Variants in FAM78B observed in about 807,000 individuals in gnomAD.
FAM78B encodes family with sequence similarity 78 member B.
A neutral mutation model predicts 20.0 loss-of-function variants in FAM78B; 10 were observed. The ratio of observed to expected loss-of-function variants is 0.50; its 90% CI spans 0.31 to 0.85. FAM78B has a LOEUF of 0.85. Among genes scored for constraint, FAM78B ranks in the 40% least tolerant of loss-of-function variants. FAM78B has a pLI of 0.05. For missense variants in FAM78B, 283 were observed against 345.0 expected, an observed-to-expected ratio of 0.82 and a Z score of 1.42; for synonymous variants, 135 against 132.8, an observed-to-expected ratio of 1.02 and a Z score of -0.12.
In FAM78B at chr1:166,105,875, T is replaced by C. The variant is rs1653756080; in HGVS notation, c.264-35112A>G. ...TACTGGGTATATACCCAAAGGATTA[T>C]AAATCATGCTGCTATAAAGACACAT... On this transcript the variant is annotated intron_variant, in intron 1 of 1. Transcript: ENST00000354422. Among the ~76,000 whole-genome samples the C allele has an allele frequency of 3.3e-5, 5 of 151,906 alleles. No individual in the cohort carries two copies. In the South Asian group the frequency reaches 1.1e-3, roughly 32 times the overall value.
intron 1 of FAM78B, among the ~76,000 whole-genome samples, chr1:166,117,696 T>C (rs2101765127): frequency 6.6e-6 from 1 of 152,370 alleles, no homozygotes; most frequent in East Asian, 1.9e-4. Flanking sequence ...GAGGTCTCAC[T>C]GGTCTGAAAG....
At chr1:166,107,297 A>G (rs935374471) in intron 1 of FAM78B, among the ~76,000 whole-genome samples, 5 of 152,322 alleles carry the variant, frequency 3.3e-5, no homozygotes, top group Middle Eastern at 6.8e-3. Flanking sequence ...AAATAACCTC[A>G]CTAAGAAACA....
At chr1:166,161,737 C>T (rs1237170465) in intron 1 of FAM78B, among the ~76,000 whole-genome samples, 3 of 152,120 alleles carry the variant, frequency 2.0e-5, no homozygotes, top group Non-Finnish European at 2.9e-5. Context: ...CAGATGGTTT[C>T]GCTTGAGCAA....
chr1:166,102,950 A>G (rs1653590686), intron 1 of FAM78B, among the ~76,000 whole-genome samples: 1 of 152,332 alleles, frequency 6.6e-6, no homozygotes. Flanking sequence ...TTGACCACAT[A>G]GTTGGAAGTA....
chr1:166,080,735 C>A (rs986367413), intron 1 of FAM78B, among the ~76,000 whole-genome samples: 5 of 152,238 alleles, frequency 3.3e-5, no homozygotes, highest in African/African-American at 7.2e-5. Flanking sequence ...CAATGTGCTC[C>A]CAGTCACGTG....
At chr1:166,145,134 C>A (rs1571202592) in intron 1 of FAM78B, among the ~76,000 whole-genome samples, 1 of 152,136 alleles carries the variant, frequency 6.6e-6, no homozygotes, top group African/African-American at 2.4e-5. Context: ...AAAGATTGTA[C>A]CAACTGGTTG....
At chr1:166,073,631 A>G (rs981893946) in intron 1 of FAM78B, among the ~76,000 whole-genome samples, 13 of 151,608 alleles carry the variant, frequency 8.6e-5, no homozygotes, top group African/African-American at 3.2e-4. Flanking sequence ...GTTTTTCGAG[A>G]AGTCTCTGAA....
At chr1:166,085,062 T>C (rs1400704501) in intron 1 of FAM78B, among the ~76,000 whole-genome samples, 3 of 152,266 alleles carry the variant, frequency 2.0e-5, no homozygotes, top group African/African-American at 7.2e-5. Flanking sequence ...TGGAACCTTC[T>C]GGTGGATCCC....
intron 1 of FAM78B, among the ~76,000 whole-genome samples, chr1:166,120,409 G>A (rs140385009): frequency 0.01 from 1,564 of 152,296 alleles, 11 homozygotes; most frequent in Non-Finnish European, 0.015. Flanking sequence ...CGGGCTGACC[G>A]TGCCACGCCT....
chr1:166,161,299 A>C (rs2101806855), intron 1 of FAM78B, among the ~76,000 whole-genome samples: 1 of 152,206 alleles, frequency 6.6e-6, no homozygotes. Flanking sequence ...GGCGTGTGCC[A>C]CCATGCCCAG....
At chr1:166,164,705 A>G (rs142246512) in intron 1 of FAM78B, 23 of 152,342 alleles carry the variant, frequency 1.5e-4, no homozygotes, top group African/African-American at 4.8e-4. Flanking sequence ...GTGCAATAAA[A>G]AGCCTGCAAA....
At chr1:166,150,082 G>A (rs1233918719) in intron 1 of FAM78B, among the ~76,000 whole-genome samples, 1 of 152,204 alleles carries the variant, frequency 6.6e-6, no homozygotes, top group Admixed American at 6.5e-5. Flanking sequence ...ACTGCATAGG[G>A]ACAATGAGGA....
At chr1:166,097,730 A>G (rs902798852) in intron 1 of FAM78B, among the ~76,000 whole-genome samples, 22 of 152,198 alleles carry the variant, frequency 1.4e-4, no homozygotes, top group African/African-American at 5.3e-4. Flanking sequence ...CAGGAAGACC[A>G]GCTCAAGGAG....
At chr1:166,072,886 A>G (rs985411248) in intron 1 of FAM78B, among the ~76,000 whole-genome samples, 13 of 152,204 alleles carry the variant, frequency 8.5e-5, no homozygotes, top group African/African-American at 3.1e-4. Context: ...TTTTCAGGCT[A>G]TCTTGCTTTG....
At chr1:166,110,176 G>A (rs1257371394) in intron 1 of FAM78B, among the ~76,000 whole-genome samples, 1 of 151,194 alleles carries the variant, frequency 6.6e-6, no homozygotes, top group East Asian at 2.0e-4. Flanking sequence ...ATACTGCTCG[G>A]GTGATGGGTG....
intron 1 of FAM78B, among the ~76,000 whole-genome samples, chr1:166,095,538 G>C (rs928739966): frequency 6.6e-6 from 1 of 152,164 alleles, no homozygotes; most frequent in Admixed American, 6.5e-5. Context: ...GCATGGGCAG[G>C]GGAAGGGAGA....
chr1:166,159,891 G>A (rs1176674279), intron 1 of FAM78B, among the ~76,000 whole-genome samples: 1 of 152,194 alleles, frequency 6.6e-6, no homozygotes, highest in Non-Finnish European at 1.5e-5. Context: ...CTCTTTTGCA[G>A]AGATGGAGGA....
chr1:166,149,347 A>C (rs1388816361), intron 1 of FAM78B, among the ~76,000 whole-genome samples: 1 of 152,232 alleles, frequency 6.6e-6, no homozygotes, highest in African/African-American at 2.4e-5. Flanking sequence ...AGGATTTCTT[A>C]GCTTTTTGTA....
At chr1:166,165,923 C>A (rs1291085571) in intron 1 of FAM78B, 63 bp downstream of exon 1, 121 of 1,602,968 alleles carry the variant, frequency 7.5e-5, no homozygotes, top group Non-Finnish European at 9.7e-5. Flanking sequence ...GGAGGGGGGT[C>A]AAGGTGGCAA....
Sources: allele counts gnomAD v4.1 joint callset (sites outside exome capture counted in the v4.1 genomes callset), GRCh38; gene constraint gnomAD v4.1.1; transcripts MANE v1.5; gene names NCBI Gene and HGNC (gene_info 2026-07-23, HGNC 2026-07-21).